The following CLTRN variants were observed in gnomAD, a reference collection of about 807,000 sequenced individuals.
CLTRN encodes the protein collectrin.
Under a neutral mutation model 14.5 loss-of-function variants are expected in CLTRN, and 12 were observed. The observed-to-expected ratio is 0.83, with a 90% CI of 0.53 to 1.34. CLTRN has a LOEUF of 1.34. Among genes scored for constraint, CLTRN ranks in the 40% most tolerant of loss-of-function variants. CLTRN has a pLI of 0.00. For synonymous variants in CLTRN, 58 were observed against 56.5 expected (o/e 1.03, Z -0.12); for missense variants, 154 against 165.1 (o/e 0.93, Z 0.37).
intron 3 of CLTRN, among the ~76,000 whole-genome samples, chrX:15,648,126 T>C (rs771477919): frequency 4.0e-3 from 418 of 104,733 alleles, no homozygotes; most frequent in African/African-American, 0.014. Context: ...AGAAACCCTG[T>C]GGCACACATA....
chrX:15,631,491 T>C (rs1164036972), intron 5 of CLTRN, among the ~76,000 whole-genome samples: 19 of 112,169 alleles, frequency 1.7e-4, no homozygotes, highest in African/African-American at 6.2e-4. Context: ...GCTAGACGTA[T>C]GTGATGATCA....
At chrX:15,645,271 A>G (rs1480921784) in intron 3 of CLTRN, among the ~76,000 whole-genome samples, 1 of 112,018 alleles carries the variant, frequency 8.9e-6, no homozygotes, top group East Asian at 2.8e-4. Flanking sequence ...CCAAAAAATA[A>G]TAATAGTCAG....
intron 3 of CLTRN, among the ~76,000 whole-genome samples, chrX:15,655,628 C>G (rs1297604272): frequency 8.9e-6 from 1 of 111,873 alleles, no homozygotes; most frequent in Non-Finnish European, 1.9e-5. Context: ...CTCTCTCTCC[C>G]CAGTCACAGG....
rs758646094 is a variant in CLTRN, at chrX:15,627,980, G to A, written c.660C>T (p.Thr220=). Residue 220 remains threonine, a synonymous_variant, in exon 6 of 6, where the codon ACC becomes ACT. Coordinates refer to ENST00000380342, the MANE Select transcript of CLTRN (RefSeq NM_020665.6). ...GCAGAACAACAGCCCTTCAGAGAGG[G>A]GTGAGCCTCTCATCCTCTGTCATGA... ...DAFMTEDERL[T]PL The A allele has an allele frequency of 1.9e-6, 2 of 1,032,162 alleles. No individual in the cohort carries two copies. Among genetic ancestry groups the A allele is most frequent in the South Asian group, 7.1e-5 (2 of 28,157 alleles). 85.1% of individuals were successfully genotyped at this position (1,032,162 alleles called of 1,213,427 possible).
At chrX:15,640,288 A>G (rs1928912772) in intron 4 of CLTRN, among the ~76,000 whole-genome samples, 1 of 112,505 alleles carries the variant, frequency 8.9e-6, no homozygotes, top group Admixed American at 9.4e-5. Flanking sequence ...AAATTTCTGC[A>G]TAAACTGCTC....
chrX:15,643,120 C>T (rs963631282), intron 4 of CLTRN, among the ~76,000 whole-genome samples: 3 of 111,212 alleles, frequency 2.7e-5, no homozygotes, highest in African/African-American at 9.8e-5. Context: ...CAAAAAAAAA[C>T]TGTTGGTGTC....
At chrX:15,667,204 T>C (rs1165128356), upstream of CLTRN, among the ~76,000 whole-genome samples, 1 of 109,670 alleles carries the variant, frequency 9.1e-6, no homozygotes, top group Non-Finnish European at 1.9e-5. Context: ...GCCACTGCAC[T>C]CCAGCCGGGG....
intron 3 of CLTRN, chrX:15,646,520 C>T (rs1929076650): frequency 3.0e-6 from 1 of 336,542 alleles, no homozygotes; most frequent in South Asian, 2.6e-5. Flanking sequence ...GGCCCTTCCT[C>T]AGCTCCCAGG....
chrX:15,660,686 A>G (rs1327692230), intron 2 of CLTRN, among the ~76,000 whole-genome samples: 1 of 108,027 alleles, frequency 9.3e-6, no homozygotes, highest in Non-Finnish European at 1.9e-5. Context: ...ATGCACCTGT[A>G]GTCCCAGCTA....
upstream of CLTRN, among the ~76,000 whole-genome samples, chrX:15,666,649 C>T (rs945323378): frequency 5.4e-5 from 6 of 111,823 alleles, no homozygotes; most frequent in African/African-American, 2.0e-4. Flanking sequence ...TTCTCATCTC[C>T]TTCACCTTGG....
intron 3 of CLTRN, among the ~76,000 whole-genome samples, chrX:15,652,520 G>A (rs1165124498): frequency 9.2e-6 from 1 of 109,039 alleles, no homozygotes; most frequent in Non-Finnish European, 1.9e-5. Context: ...TTTATCTTTG[G>A]CCTTTTTAAC....
intron 3 of CLTRN, among the ~76,000 whole-genome samples, chrX:15,655,996 C>T (rs1156565638): frequency 9.0e-6 from 1 of 111,722 alleles, no homozygotes; most frequent in Non-Finnish European, 1.9e-5. Flanking sequence ...CCCTAGCTGG[C>T]CGCACTGGGG....
chrX:15,630,592 T>A (rs1350660403), intron 5 of CLTRN, among the ~76,000 whole-genome samples: 1 of 112,511 alleles, frequency 8.9e-6, no homozygotes, highest in Non-Finnish European at 1.9e-5. Context: ...CACCATCAAA[T>A]ATCACAATTA....
At position 15,664,727 on chromosome X, in the gene CLTRN, A is replaced by G; in HGVS notation, c.49T>C (p.Cys17Arg). ...FLVTAIHAEL[C>R]QPGAENAFKV... ...TTTCAAGGCTACATACCTGGTTGACAGAGTTCAGCATGAATGGCAGTCACC... is the reference window on the plus strand; with the variant it reads ...TTTCAAGGCTACATACCTGGTTGACGGAGTTCAGCATGAATGGCAGTCACC... Residue 17 changes from cysteine (C) to arginine (R), a missense_variant, in exon 1 of 6, where the codon TGT becomes CGT. Cys to Arg is a radical substitution (Grantham distance 180, BLOSUM62 -3). Transcript: ENST00000380342. 2 of 1,208,718 alleles carry G rather than the reference A, an allele frequency of 1.7e-6. No homozygotes were observed. The highest frequency in any genetic ancestry group is 2.2e-6 in the Non-Finnish European group (2 of 892,952).
At chrX:15,667,209 C>T (rs1230222773), upstream of CLTRN, among the ~76,000 whole-genome samples, 1 of 108,148 alleles carries the variant, frequency 9.2e-6, no homozygotes. Context: ...TGCACTCCAG[C>T]CGGGGCAACA....
intron 5 of CLTRN, among the ~76,000 whole-genome samples, chrX:15,636,601 T>A (rs911453925): frequency 1.8e-5 from 2 of 111,791 alleles, no homozygotes; most frequent in Non-Finnish European, 3.8e-5. Context: ...AAGCATTTAA[T>A]AAAATCCCAA....
chrX:15,645,329 C>A (rs1929038589), intron 3 of CLTRN, among the ~76,000 whole-genome samples: 1 of 111,135 alleles, frequency 9.0e-6, no homozygotes, highest in Admixed American at 9.5e-5. Flanking sequence ...GGTGACAGCC[C>A]CCGTTTCCCC....
intron 2 of CLTRN, among the ~76,000 whole-genome samples, chrX:15,663,663 C>T (rs765061619): frequency 1.8e-5 from 2 of 112,240 alleles, no homozygotes; most frequent in Non-Finnish European, 1.9e-5. Flanking sequence ...CTTTAGCACT[C>T]TTTTTTCTGT....
Position 15,632,299 on chromosome X carries a change from C to T in CLTRN, c.513-4172G>A, listed in dbSNP as rs927244539. ...CTTCAAACAAAATAGAGCTGACTGC[C>T]GGGCGTGGTGGCTCACGCCTGTAAT... On this transcript the variant is annotated intron_variant, in intron 5 of 5. Transcript: ENST00000380342. 4.4e-5 allele frequency among the ~76,000 whole-genome samples: 5 copies of T among 112,470 alleles called. No individual in the cohort carries two copies. In the East Asian group the frequency reaches 1.1e-3, roughly 25 times the overall value.
Sources: allele counts gnomAD v4.1 joint callset (sites outside exome capture counted in the v4.1 genomes callset), GRCh38; gene constraint gnomAD v4.1.1; transcripts MANE v1.5; gene names NCBI Gene and HGNC (gene_info 2026-07-23, HGNC 2026-07-21).